ANKRD17: variants seen among roughly 807,000 people sequenced by gnomAD.
ANKRD17 encodes ankyrin repeat domain-containing protein 17.
In ANKRD17, 19 loss-of-function variants were observed where a neutral mutation model predicts 229.7. The ratio of observed to expected loss-of-function variants is 0.08; its 90% CI spans 0.06 to 0.12. The LOEUF is 0.12. ANKRD17 is among the 10% of genes least tolerant of loss of function. ANKRD17 has a pLI of 1.00. For missense variants in ANKRD17, 2,176 were observed against 3,176.8 expected, an observed-to-expected ratio of 0.68 and a Z score of 7.57; for synonymous variants, 1,112 against 1,146.1, an observed-to-expected ratio of 0.97 and a Z score of 0.60.
intron 1 of ANKRD17, among the ~76,000 whole-genome samples, chr4:73,220,961 T>C (rs1338358758): frequency 1.3e-5 from 2 of 152,084 alleles, no homozygotes; most frequent in Non-Finnish European, 2.9e-5. Context: ...GTAATAAATA[T>C]CTGTTTACTT....
chr4:73,138,469 C>T (rs1364328007), intron 15 of ANKRD17, among the ~76,000 whole-genome samples: 3 of 151,916 alleles, frequency 2.0e-5, no homozygotes, highest in African/African-American at 4.8e-5. Flanking sequence ...TATCTAAACA[C>T]TATACAGTTT....
At chr4:73,137,145 G>C (rs996143056) in intron 15 of ANKRD17, among the ~76,000 whole-genome samples, 12 of 151,804 alleles carry the variant, frequency 7.9e-5, no homozygotes, top group African/African-American at 2.9e-4. Context: ...ACAACTAAAA[G>C]AAACAAATGT....
chr4:73,176,296 A>G (rs1282630420), intron 2 of ANKRD17, among the ~76,000 whole-genome samples: 1 of 152,226 alleles, frequency 6.6e-6, no homozygotes, highest in East Asian at 1.9e-4. Flanking sequence ...AAAGACAGGC[A>G]ATGACAAATG....
chr4:73,132,725 C>G (rs995771192), intron 16 of ANKRD17, among the ~76,000 whole-genome samples: 1 of 152,070 alleles, frequency 6.6e-6, no homozygotes, highest in East Asian at 1.9e-4. Context: ...CTTCTCAGAA[C>G]TAAGTTATAA....
chr4:73,135,753 C>T (rs1054942303), intron 15 of ANKRD17, among the ~76,000 whole-genome samples: 1 of 152,058 alleles, frequency 6.6e-6, no homozygotes, highest in African/African-American at 2.4e-5. Context: ...TTTAAAACAC[C>T]GCCATACTGT....
intron 9 of ANKRD17, 27 bp downstream of exon 9, chr4:73,147,214 A>C: frequency 6.6e-7 from 1 of 1,512,952 alleles, no homozygotes; most frequent in Non-Finnish European, 8.9e-7. Context: ...CATGTAAAAA[A>C]CTTCTCCCAA....
intron 1 of ANKRD17, among the ~76,000 whole-genome samples, chr4:73,202,164 T>C (rs768072866): frequency 3.9e-5 from 6 of 151,928 alleles, no homozygotes; most frequent in South Asian, 4.2e-4. Flanking sequence ...AACAGAGCAA[T>C]TGGGACTTGG....
chr4:73,092,626 TA>T (rs1722898716), intron 28 of ANKRD17, among the ~76,000 whole-genome samples: 2 of 152,178 alleles, frequency 1.3e-5, no homozygotes, highest in African/African-American at 4.8e-5. Context: ...ACACTACAGT[TA>T]GAAAAACCAC....
At chr4:73,106,674 A>G (rs1311545756) in intron 24 of ANKRD17, among the ~76,000 whole-genome samples, 2 of 152,090 alleles carry the variant, frequency 1.3e-5, no homozygotes, top group South Asian at 2.1e-4. Context: ...ATGTCAAGAG[A>G]TCAAGACCAT....
chr4:73,155,142 G>A lies in ANKRD17; in HGVS notation c.1000+489C>T, dbSNP rs543805493. 4.6e-5 allele frequency among the ~76,000 whole-genome samples: 7 copies of A among 151,758 alleles called. No homozygotes were observed. The South Asian group carries it at 8.3e-4, about 18-fold the overall frequency. On this transcript the variant is annotated intron_variant, in intron 5 of 33. Coordinates refer to ENST00000358602, the MANE Select transcript of ANKRD17 (RefSeq NM_032217.5). ...TAGAATTTTTACACAAATCTATCTA[G>A]GCCCAAATTTGAAAAAAATATATAT...
At chr4:73,149,459 T>C (rs1730709802) in intron 7 of ANKRD17, among the ~76,000 whole-genome samples, 1 of 152,128 alleles carries the variant, frequency 6.6e-6, no homozygotes, top group Non-Finnish European at 1.5e-5. Context: ...TTTGATTAGT[T>C]AGAAAAAAAT....
In ANKRD17 at chr4:73,077,096, A is replaced by G; in HGVS notation, c.7596T>C (p.Pro2532=). 6.4e-7 allele frequency: 1 copy of G among 1,569,002 alleles called. No homozygotes were observed. Among genetic ancestry groups the G allele is most frequent in the South Asian group, 1.2e-5 (1 of 83,478 alleles). Residue 2532 remains proline (P), a synonymous_variant, in exon 33 of 34, where the codon CCT becomes CCC. Coordinates refer to ENST00000358602, the MANE Select transcript of ANKRD17 (RefSeq NM_032217.5). ...TCATTGCATTCCCATACACAGAAAA[A>G]GGCATACCCTTAAAAAAGGAAAACA... ...YMDFPKVGGM[P]FSVYGNAMIP... is the part of the protein sequence containing the mutation.
At chr4:73,163,143 G>A (rs886787324) in intron 2 of ANKRD17, among the ~76,000 whole-genome samples, 1 of 151,700 alleles carries the variant, frequency 6.6e-6, no homozygotes, top group Non-Finnish European at 1.5e-5. Flanking sequence ...AGGTTTACAC[G>A]TGTGATCCAG....
chr4:73,135,172 A>T lies in ANKRD17; in HGVS notation c.3179T>A (p.Ile1060Asn), dbSNP rs1400005285. 6.2e-7 allele frequency: 1 copy of T among 1,613,808 alleles called. No homozygotes were observed. Among genetic ancestry groups the T allele is most frequent in the Non-Finnish European group, 8.5e-7 (1 of 1,179,864 alleles). The change falls in exon 16 of 34, where the codon ATC becomes AAC. Residue 1060 changes from isoleucine to asparagine, a missense_variant. This residue lies in a region of ANKRD17 where 230 missense variants were observed against 252.3 expected (regional missense o/e 0.91). Coordinates refer to ENST00000358602, the MANE Select transcript of ANKRD17 (RefSeq NM_032217.5). ...AGGAAGCATGGCTGAAGGAGAGATG[A>T]TAGGACTTGGAGTTGGAGTCTGAGG... ...SQPQTPTPSP[I>N]ISPSAMLPIY...
At chr4:73,171,173 A>G (rs1312228395) in intron 2 of ANKRD17, among the ~76,000 whole-genome samples, 2 of 64,214 alleles carry the variant, frequency 3.1e-5, no homozygotes, top group East Asian at 8.4e-4. Flanking sequence ...CATGGCTCAG[A>G]GGGGGGAGAG....
At chr4:73,076,416 T>A (rs531006046) in intron 33 of ANKRD17, 126 bp from the exon 34 acceptor site, 2 of 592,190 alleles carry the variant, frequency 3.4e-6, no homozygotes, top group Non-Finnish European at 5.2e-6. Context: ...TGGAAAAAAA[T>A]GATAAAAACC....
chr4:73,119,796 A>G (rs1726470770), intron 21 of ANKRD17, among the ~76,000 whole-genome samples: 1 of 152,214 alleles, frequency 6.6e-6, no homozygotes, highest in Admixed American at 6.5e-5. Flanking sequence ...AGCCTTAATT[A>G]CTGTGAAGAA....
chr4:73,239,680 A>G (rs1743832643), intron 1 of ANKRD17, among the ~76,000 whole-genome samples: 1 of 152,166 alleles, frequency 6.6e-6, no homozygotes, highest in Non-Finnish European at 1.5e-5. Context: ...CTTACTCTGT[A>G]TCTTCCTCTA....
chr4:73,256,384 T>C (rs147257218), intron 1 of ANKRD17, among the ~76,000 whole-genome samples: 4 of 152,386 alleles, frequency 2.6e-5, no homozygotes, highest in East Asian at 1.9e-4. Context: ...CAGAGCTTAA[T>C]AGTTTCACGA....
Sources: gnomAD v4.1 joint callset for allele counts (sites outside exome capture counted in the v4.1 genomes callset) on GRCh38, gnomAD v4.1.1 for gene constraint, gnomAD v4.1.1 regional missense constraint, MANE v1.5 for transcripts, NCBI Gene and HGNC (gene_info 2026-07-23, HGNC 2026-07-21) for gene names.